The following TSC22D1 variants were observed in gnomAD, a reference collection of about 807,000 sequenced individuals.
TSC22D1 encodes TSC22 domain family protein 1.
A neutral mutation model predicts 74.2 loss-of-function variants in TSC22D1; 9 were observed. That is an observed-to-expected ratio of 0.12 (90% CI 0.07 to 0.21). TSC22D1 has a LOEUF of 0.21. Ranked by LOEUF, TSC22D1 falls within the 10% of genes least tolerant of loss-of-function variation. The pLI is 1.00. For synonymous variants in TSC22D1, 586 were observed against 492.5 expected (o/e 1.19, Z -2.51); for missense variants, 1,427 against 1,304.7 (o/e 1.09, Z -1.44).
At chr13:44,454,732 A>AATAATG (rs2138925406) in intron 1 of TSC22D1, among the ~76,000 whole-genome samples, 1 of 152,248 alleles carries the variant, frequency 6.6e-6, no homozygotes, top group African/African-American at 2.4e-5. Flanking sequence ...CACCTCATCT[A>AATAATG]GGTACCATTA....
chr13:44,455,580 T>G (rs1876519803), intron 1 of TSC22D1, among the ~76,000 whole-genome samples: 1 of 152,232 alleles, frequency 6.6e-6, no homozygotes. Flanking sequence ...CAATAAAAAC[T>G]TTCCCTGTCT....
intron 1 of TSC22D1, among the ~76,000 whole-genome samples, chr13:44,570,374 T>G (rs1883679512): frequency 6.6e-6 from 1 of 151,978 alleles, no homozygotes; most frequent in African/African-American, 2.4e-5. Flanking sequence ...TATTTTTTTG[T>G]AGAGACAGGG....
rs561907735 is a variant in TSC22D1 at position 44,574,108 on chromosome 13, T to C, written c.1967A>G (p.Tyr656Cys). ...TTGAAGAATTGGCTGCTGTTGTACA[T>C]ACTCTGAAGCAGGATTTTGAGTCAC... is the stretch of plus-strand genomic sequence containing the variant. ...KSVTQNPASE[Y>C]VQQQPILQTA... Residue 656 changes from tyrosine to cysteine, a missense_variant, in exon 1 of 3, where the codon TAT becomes TGT. Tyr to Cys is a radical substitution (Grantham distance 194, BLOSUM62 -2). Around this residue, in one of 3 missense-constraint regions of TSC22D1, gnomAD observed 1,343 missense variants for 1,191.5 expected, o/e 1.13. Coordinates refer to ENST00000458659, the MANE Select transcript of TSC22D1 (RefSeq NM_183422.4). 1 of 1,614,178 alleles carries C rather than the reference T, an allele frequency of 6.2e-7. No homozygotes were observed. The highest frequency in any genetic ancestry group is 2.2e-5 in the East Asian group (1 of 44,890).
intron 1 of TSC22D1, among the ~76,000 whole-genome samples, chr13:44,553,662 G>C (rs1451351092): frequency 6.6e-6 from 1 of 152,138 alleles, no homozygotes; most frequent in African/African-American, 2.4e-5. Flanking sequence ...ACATGACGCT[G>C]TATTTCTTCC....
At chr13:44,558,111 A>G (rs913327353) in intron 1 of TSC22D1, among the ~76,000 whole-genome samples, 1 of 152,196 alleles carries the variant, frequency 6.6e-6, no homozygotes, top group Admixed American at 6.5e-5. Flanking sequence ...ATGCCTCTAT[A>G]CTCAATAGGC....
chr13:44,575,357 A>C lies in TSC22D1; in HGVS notation c.718T>G (p.Ser240Ala). Residue 240 changes from serine to alanine, a missense_variant, in exon 1 of 3, where the codon TCT (serine) becomes GCT (alanine). Physicochemically the swap from Ser to Ala is moderately conservative, Grantham distance 99. Coordinates refer to ENST00000458659, the MANE Select transcript of TSC22D1 (RefSeq NM_183422.4). ...HHLQHGHHHP[S>A]HVAVASASIT... ...GATGCACTGGCCACAGCAACATGAG[A>C]TGGATGGTGGTGACCATGTTGGAGG... The C allele has an allele frequency of 6.2e-7, 1 of 1,614,130 alleles. No homozygotes were observed. Among genetic ancestry groups the C allele is most frequent in the Non-Finnish European group, 8.5e-7 (1 of 1,180,002 alleles).
chr13:44,573,362 C>A lies in TSC22D1; in HGVS notation c.2713G>T (p.Ala905Ser). 6.2e-7 allele frequency: 1 copy of A among 1,614,238 alleles called. No homozygotes were observed. The highest frequency in any genetic ancestry group is 8.5e-7 in the Non-Finnish European group (1 of 1,180,038). Residue 905 changes from alanine (A) to serine (S), a missense_variant, in exon 1 of 3, where the codon GCA becomes TCA. Transcript: ENST00000458659. ...GCATCTTCAATTTGGCTTCCAATTG[C>A]CTGAGCTAATGATTGTGCGGAGAAC... ...TQFSAQSLAQAIGSQIEDARR... is the reference protein window; with the variant it reads ...TQFSAQSLAQSIGSQIEDARR...
intron 1 of TSC22D1, among the ~76,000 whole-genome samples, chr13:44,452,278 G>A (rs1876205668): frequency 1.3e-5 from 2 of 152,126 alleles, no homozygotes; most frequent in Admixed American, 1.3e-4. Context: ...GCAACTACTC[G>A]AAAAAGGAAA....
chr13:44,465,901 A>C lies in TSC22D1; in HGVS notation c.2913-29806T>G, dbSNP rs542013398. 2.8e-3 allele frequency among the ~76,000 whole-genome samples: 426 copies of C among 152,322 alleles called. 2 individuals carry two copies. Among genetic ancestry groups the C allele is most frequent in the Non-Finnish European group, 5.5e-3 (371 of 68,028 alleles). ...AGCAGGAGAATCGCTTGAACCCAGGAGGCAGAGGTTGCAGTGAGCTGAGAT... is the reference window on the plus strand; with the variant it reads ...AGCAGGAGAATCGCTTGAACCCAGGCGGCAGAGGTTGCAGTGAGCTGAGAT... On this transcript the variant is annotated intron_variant, in intron 1 of 2. Transcript: ENST00000458659.
At chr13:44,549,564 G>A (rs1490513491) in intron 1 of TSC22D1, among the ~76,000 whole-genome samples, 2 of 152,108 alleles carry the variant, frequency 1.3e-5, no homozygotes, top group East Asian at 3.9e-4. Context: ...CTTGAGCTCA[G>A]GAGTTCAAGA....
chr13:44,448,996 T>C (rs967332982), intron 1 of TSC22D1, among the ~76,000 whole-genome samples: 1 of 152,172 alleles, frequency 6.6e-6, no homozygotes, highest in Non-Finnish European at 1.5e-5. Context: ...ACAGTATTCA[T>C]TGAAAGCCAC....
At chr13:44,525,738 A>G (rs1232241131) in intron 1 of TSC22D1, among the ~76,000 whole-genome samples, 1 of 151,172 alleles carries the variant, frequency 6.6e-6, no homozygotes, top group Non-Finnish European at 1.5e-5. Context: ...GAAACTTCAT[A>G]CTCAAGTCCT....
At chr13:44,502,670 T>C (rs926743776) in intron 1 of TSC22D1, among the ~76,000 whole-genome samples, 16 of 151,852 alleles carry the variant, frequency 1.1e-4, no homozygotes, top group Admixed American at 9.8e-4. Context: ...ATTTGACAGA[T>C]GAGGAAACTG....
At chr13:44,466,169 C>A (rs1384681804) in intron 1 of TSC22D1, among the ~76,000 whole-genome samples, 1 of 152,132 alleles carries the variant, frequency 6.6e-6, no homozygotes, top group African/African-American at 2.4e-5. Context: ...GAAGGCAGCA[C>A]ATAGGGCTGG....
chr13:44,556,811 A>C (rs1427287611), intron 1 of TSC22D1, among the ~76,000 whole-genome samples: 1 of 152,068 alleles, frequency 6.6e-6, no homozygotes, highest in Non-Finnish European at 1.5e-5. Flanking sequence ...GGTTGCAGTG[A>C]GCCGAGATCA....
intron 1 of TSC22D1, among the ~76,000 whole-genome samples, chr13:44,548,325 T>A (rs1307683540): frequency 2.0e-5 from 3 of 152,214 alleles, no homozygotes; most frequent in Non-Finnish European, 2.9e-5. Flanking sequence ...GAGACCAGCC[T>A]GGCCAACATG....
At chr13:44,497,519 T>C (rs750630594) in intron 1 of TSC22D1, among the ~76,000 whole-genome samples, 5 of 152,190 alleles carry the variant, frequency 3.3e-5, no homozygotes, top group Non-Finnish European at 7.3e-5. Context: ...TGGTTAATCT[T>C]ATGTTGTTTA....
chr13:44,558,127 A>T (rs763706798), intron 1 of TSC22D1, among the ~76,000 whole-genome samples: 16 of 152,182 alleles, frequency 1.1e-4, no homozygotes, highest in Non-Finnish European at 1.9e-4. Context: ...TAGGCTAACG[A>T]CTGCTTTTTA....
intron 1 of TSC22D1, among the ~76,000 whole-genome samples, chr13:44,564,246 T>A (rs752108949): frequency 8.6e-5 from 13 of 152,018 alleles, no homozygotes; most frequent in African/African-American, 1.7e-4. Context: ...TTTTATCTAA[T>A]AGGCATTGAA....
Sources: allele counts gnomAD v4.1 joint callset (sites outside exome capture counted in the v4.1 genomes callset), GRCh38; gene constraint gnomAD v4.1.1; regional missense constraint gnomAD v4.1.1; transcripts MANE v1.5; gene names NCBI Gene and HGNC (gene_info 2026-07-23, HGNC 2026-07-21).